Variants in TMEM232 observed in about 807,000 individuals in gnomAD.
TMEM232 encodes transmembrane protein 232.
In TMEM232, 80 loss-of-function variants were observed where a neutral mutation model predicts 78.8. The ratio of observed to expected loss-of-function variants is 1.01; its 90% confidence interval spans 0.85 to 1.22. The LOEUF is 1.22. Ranked by LOEUF, TMEM232 falls within the 50% of genes most tolerant of loss-of-function variation. TMEM232 has a pLI of 0.00. For synonymous variants in TMEM232, 297 were observed against 254.3 expected, an observed-to-expected ratio of 1.17 and a Z score of -1.60; for missense variants, 881 against 742.2, an observed-to-expected ratio of 1.19 and a Z score of -2.17.
intron 1 of TMEM232, among the ~76,000 whole-genome samples, chr5:110,693,067 C>G (rs1279742046): frequency 6.6e-6 from 1 of 152,184 alleles, no homozygotes; most frequent in African/African-American, 2.4e-5. Context: ...TAGGGGCGGT[C>G]TGACACCTCA....
chr5:110,606,328 AAAT>A (rs899525445), intron 8 of TMEM232, 41 bp from the exon 9 acceptor site: 17 of 1,452,766 alleles, frequency 1.2e-5, no homozygotes, highest in South Asian at 4.5e-5. Context: ...TTTTAATGGA[AAAT>A]AATAATAATA....
At chr5:110,557,077 C>G (rs1020291777) in intron 11 of TMEM232, among the ~76,000 whole-genome samples, 1 of 151,954 alleles carries the variant, frequency 6.6e-6, no homozygotes, top group Admixed American at 6.6e-5. Flanking sequence ...TCTTTGTATT[C>G]TCTTTTATAT....
At chr5:110,490,420 T>A (rs1347890161) in intron 12 of TMEM232, among the ~76,000 whole-genome samples, 1 of 152,162 alleles carries the variant, frequency 6.6e-6, no homozygotes, top group African/African-American at 2.4e-5. Context: ...CACTTGATGT[T>A]AAGATAATAA....
intron 4 of TMEM232, among the ~76,000 whole-genome samples, chr5:110,388,523 C>A (rs985405552): frequency 6.6e-6 from 1 of 152,202 alleles, no homozygotes; most frequent in Admixed American, 6.5e-5. Context: ...AAAACCTTAC[C>A]AAGGACTTTC....
chr5:110,477,660 T>C (rs1314019599), intron 12 of TMEM232, among the ~76,000 whole-genome samples: 2 of 151,810 alleles, frequency 1.3e-5, no homozygotes, highest in Non-Finnish European at 2.9e-5. Flanking sequence ...CCAAGTTCAG[T>C]TTCCTAAAAC....
intron 12 of TMEM232, among the ~76,000 whole-genome samples, chr5:110,456,158 A>G (rs1760869229): frequency 6.6e-6 from 1 of 152,208 alleles, no homozygotes; most frequent in African/African-American, 2.4e-5. Flanking sequence ...GAATCTACAG[A>G]AGAATAATCT....
intron 11 of TMEM232, among the ~76,000 whole-genome samples, chr5:110,558,585 G>C (rs1298106498): frequency 6.6e-6 from 1 of 152,098 alleles, no homozygotes; most frequent in Non-Finnish European, 1.5e-5. Context: ...CAGCAGACAA[G>C]GGGGTGCTCA....
Position 110,420,591 on chromosome 5 carries a change from C to A in TMEM232, c.1963G>T (p.Glu655Ter), listed in dbSNP as rs192501577. 9.0e-5 allele frequency: 131 copies of A among 1,460,514 alleles called. No homozygotes were observed. In the African/African-American group the frequency reaches 1.7e-3, roughly 19 times the overall value. The allele number at this position is 1,460,514 out of a possible 1,614,324, so 90.5% of individuals were successfully genotyped here. Residue 655 changes from glutamate (E) to a stop codon, truncating the protein, a stop_gained, in exon 14 of 14, where the codon GAA (glutamate) becomes TAA (stop). Coordinates refer to ENST00000455884, the MANE Select transcript of TMEM232 (RefSeq NM_001039763.4). LOFTEE classifies it high-confidence loss of function. ...TKPYELPYRK[E>*]VI ...ATTTTCTTTTCTAATTAAATTACTT[C>A]CTTCCTATAAGGAAGTTCATAGGGC...
At chr5:110,539,276 G>T (rs1420081664) in intron 11 of TMEM232, among the ~76,000 whole-genome samples, 1 of 152,128 alleles carries the variant, frequency 6.6e-6, no homozygotes, top group African/African-American at 2.4e-5. Flanking sequence ...CCAGAGGTGA[G>T]GTATTACTTA....
chr5:110,534,775 C>T (rs1042375930), intron 11 of TMEM232, among the ~76,000 whole-genome samples: 2 of 152,172 alleles, frequency 1.3e-5, no homozygotes, highest in African/African-American at 4.8e-5. Context: ...TCCTTAGGCA[C>T]TCTCTAATCA....
chr5:110,494,766 A>G (rs1307901133), intron 12 of TMEM232, among the ~76,000 whole-genome samples: 1 of 152,056 alleles, frequency 6.6e-6, no homozygotes, highest in Admixed American at 6.6e-5. Flanking sequence ...TACCTCTATG[A>G]AAATAATTTA....
At chr5:110,528,000 T>A (rs1371975214) in intron 12 of TMEM232, among the ~76,000 whole-genome samples, 1 of 151,994 alleles carries the variant, frequency 6.6e-6, no homozygotes, top group Non-Finnish European at 1.5e-5. Context: ...TTTAACATCT[T>A]AACATTCTGT....
rs1167774840 is a variant in TMEM232, at chr5:110,420,161, G to A, written c.*419C>T. The A allele has an allele frequency of 6.5e-6, 1 of 153,466 alleles. No homozygotes were observed. The highest frequency in any genetic ancestry group is 1.4e-5 in the Non-Finnish European group (1 of 69,044). The allele number at this position is 153,466 out of a possible 1,614,324, so 9.5% of individuals were successfully genotyped here. A position where few individuals can be genotyped will look rare whatever the true frequency, so the allele number is the denominator to read the frequency against. On this transcript the variant is annotated 3_prime_UTR_variant, in exon 14 of 14. Coordinates refer to ENST00000455884, the MANE Select transcript of TMEM232 (RefSeq NM_001039763.4). Reference sequence around the variant, plus strand: ...AATAATAGTAATTACAGGATTGTTAGTTTATGTTCATTCTGTTTTCAAGAA... The same window carrying A: ...AATAATAGTAATTACAGGATTGTTAATTTATGTTCATTCTGTTTTCAAGAA...
At chr5:110,435,673 A>G (rs1304685281) in intron 12 of TMEM232, among the ~76,000 whole-genome samples, 1 of 151,566 alleles carries the variant, frequency 6.6e-6, no homozygotes, top group East Asian at 1.9e-4. Context: ...AATTGTTTTG[A>G]TTTTTAGATC....
At chr5:110,432,325 A>T in intron 12 of TMEM232, among the ~76,000 whole-genome samples, 1 of 151,750 alleles carries the variant, frequency 6.6e-6, no homozygotes, top group East Asian at 1.9e-4. Context: ...TTGGGGGCCC[A>T]CATTTAGCAT....
intron 1 of TMEM232, among the ~76,000 whole-genome samples, chr5:110,681,030 C>T (rs773643313): frequency 2.0e-5 from 3 of 152,086 alleles, no homozygotes; most frequent in African/African-American, 7.2e-5. Flanking sequence ...CTATACACGA[C>T]GACACTCCAA....
chr5:110,697,287 A>G (rs1220228328), intron 1 of TMEM232, among the ~76,000 whole-genome samples: 1 of 152,206 alleles, frequency 6.6e-6, no homozygotes, highest in African/African-American at 2.4e-5. Context: ...CACCTTATAC[A>G]AAAATTAATT....
At chr5:110,572,285 A>C (rs1018426675) in intron 10 of TMEM232, among the ~76,000 whole-genome samples, 1 of 152,058 alleles carries the variant, frequency 6.6e-6, no homozygotes, top group African/African-American at 2.4e-5. Flanking sequence ...CTAGAATGCA[A>C]GTAAAATAGC....
chr5:110,541,475 A>G (rs1773106109), intron 11 of TMEM232, among the ~76,000 whole-genome samples: 1 of 151,896 alleles, frequency 6.6e-6, no homozygotes. Context: ...AAGAGAAATA[A>G]CCCCCAGTTT....
Sources: gnomAD v4.1 joint callset for allele counts (sites outside exome capture counted in the v4.1 genomes callset) on GRCh38, gnomAD v4.1.1 for gene constraint, MANE v1.5 for transcripts, NCBI Gene and HGNC (gene_info 2026-07-23, HGNC 2026-07-21) for gene names.